The following RIMBP2 variants were observed in gnomAD, a reference collection of about 807,000 sequenced individuals.
The protein encoded by RIMBP2 is RIMS-binding protein 2.
Under a neutral mutation model 118.6 loss-of-function variants are expected in RIMBP2, and 48 were observed. The ratio of observed to expected loss-of-function variants is 0.40; its 90% CI spans 0.32 to 0.51. The LOEUF is 0.51. RIMBP2 is among the 20% of genes least tolerant of loss of function. The pLI is 0.41. For synonymous variants in RIMBP2, 762 were observed against 742.9 expected, an observed-to-expected ratio of 1.03 and a Z score of -0.42; for missense variants, 1,551 against 1,768.3, an observed-to-expected ratio of 0.88 and a Z score of 2.20.
intron 2 of RIMBP2, among the ~76,000 whole-genome samples, chr12:130,574,623 C>T (rs2057946443): frequency 6.6e-6 from 1 of 152,162 alleles, no homozygotes; most frequent in Admixed American, 6.5e-5. Context: ...AAGCTCCAGC[C>T]ATCTGCAGCA....
intron 1 of RIMBP2, among the ~76,000 whole-genome samples, chr12:130,709,554 A>G (rs1467284838): frequency 6.6e-6 from 1 of 152,178 alleles, no homozygotes; most frequent in Non-Finnish European, 1.5e-5. Context: ...ACGTTTCCCA[A>G]GATTTTGGGG....
At chr12:130,504,430 C>T (rs1192395591) in intron 4 of RIMBP2, among the ~76,000 whole-genome samples, 1 of 152,178 alleles carries the variant, frequency 6.6e-6, no homozygotes, top group Non-Finnish European at 1.5e-5. Context: ...ATTCCACTCA[C>T]ATCACTGACA....
chr12:130,401,277 G>A (rs868096663), intron 21 of RIMBP2, among the ~76,000 whole-genome samples: 24 of 151,986 alleles, frequency 1.6e-4, no homozygotes, highest in Middle Eastern at 3.4e-3. Context: ...CACCATGCCC[G>A]GCTAATTTTT....
chr12:130,595,272 A>T (rs966721651), intron 2 of RIMBP2, among the ~76,000 whole-genome samples: 1 of 152,158 alleles, frequency 6.6e-6, no homozygotes, highest in Non-Finnish European at 1.5e-5. Context: ...TTAAAACTTC[A>T]TCTTGGCCGG....
At chr12:130,673,602 C>T (rs758227007) in intron 1 of RIMBP2, among the ~76,000 whole-genome samples, 39 of 152,218 alleles carry the variant, frequency 2.6e-4, no homozygotes, top group East Asian at 2.5e-3. Flanking sequence ...CTGCTTCGAG[C>T]CTGGATGAAA....
In RIMBP2 at chr12:130,431,409, C is replaced by A; in HGVS notation, c.2254-3072G>T. 1 of 402,102 alleles carries A rather than the reference C, an allele frequency of 2.5e-6. No individual in the cohort carries two copies. Among genetic ancestry groups the A allele is most frequent in the Non-Finnish European group, 5.2e-6 (1 of 194,146 alleles). The allele number at this position is 402,102 out of a possible 1,614,324, so 24.9% of individuals were successfully genotyped here. On this transcript the variant is annotated intron_variant, in intron 14 of 22. Coordinates refer to ENST00000690449, the MANE Select transcript of RIMBP2 (RefSeq NM_001393629.1). This position sits in a 1 kb window ranked among gnomAD's most constrained non-coding sequence, Gnocchi z 4.0. ...TGCACCAGCTCAACTTCAGTCACTC[C>A]CTACCACTGTCATGATGCGTCACCT...
At chr12:130,642,215 A>G (rs1359280859) in intron 1 of RIMBP2, among the ~76,000 whole-genome samples, 2 of 152,146 alleles carry the variant, frequency 1.3e-5, no homozygotes, top group Non-Finnish European at 2.9e-5. Context: ...AGGACACCCC[A>G]AATGATGCCC....
At position 130,648,088 on chromosome 12, in the gene RIMBP2, G is replaced by A. The variant is rs546479656; in HGVS notation, c.-351-19632C>T. ...CCAAAGGGCATGTCAGGAGTCACGC[G>A]CTGATCATCACCGAGCAGATACATC... is the stretch of plus-strand genomic sequence containing the variant. On this transcript the variant is annotated intron_variant, in intron 1 of 22. Transcript: ENST00000690449. Among the ~76,000 whole-genome samples, 71 of 129,708 alleles carry A rather than the reference G, an allele frequency of 5.5e-4. 7 individuals are homozygous for A. The highest frequency in any genetic ancestry group is 5.2e-3 in the Admixed American group (69 of 13,332). 85.1% of individuals were successfully genotyped at this position (129,708 alleles called of 152,430 possible). A position where few individuals can be genotyped will look rare whatever the true frequency, so the allele number is the denominator to read the frequency against.
chr12:130,446,281 A>C lies in RIMBP2; in HGVS notation c.582-1012T>G, dbSNP rs1489303803. Among the ~76,000 whole-genome samples the C allele has an allele frequency of 6.6e-6, 1 of 152,266 alleles. No homozygotes were observed. Among genetic ancestry groups the C allele is most frequent in the Admixed American group, 6.5e-5 (1 of 15,290 alleles). On this transcript the variant is annotated intron_variant, in intron 9 of 22. Coordinates refer to ENST00000690449, the MANE Select transcript of RIMBP2 (RefSeq NM_001393629.1). The surrounding 1 kb of genome is among the most constrained non-coding windows in gnomAD (Gnocchi z 4.1). ...TATAATTATGATATGAAAATGATTC[A>C]TGCATCAGTGGCACTGTGCAGTTTA... is the stretch of plus-strand genomic sequence containing the variant.
At chr12:130,524,882 G>C (rs2139206804) in intron 2 of RIMBP2, among the ~76,000 whole-genome samples, 1 of 152,336 alleles carries the variant, frequency 6.6e-6, no homozygotes. Context: ...TGGGGCTGCA[G>C]AGGCAGGGAG....
At chr12:130,438,242 G>A in intron 12 of RIMBP2, 123 bp downstream of exon 12, 1 of 1,092,014 alleles carries the variant, frequency 9.2e-7, no homozygotes. Flanking sequence ...TCGGGGTTGA[G>A]GGTGCCTCCA....
intron 16 of RIMBP2, among the ~76,000 whole-genome samples, chr12:130,423,497 G>A (rs1054839211): frequency 1.3e-5 from 2 of 152,128 alleles, no homozygotes; most frequent in African/African-American, 4.8e-5. Context: ...ACACAATATA[G>A]AGATGAATGA....
intron 2 of RIMBP2, among the ~76,000 whole-genome samples, chr12:130,609,009 T>A (rs2140540515): frequency 6.6e-6 from 1 of 152,278 alleles, no homozygotes; most frequent in Non-Finnish European, 1.5e-5. Context: ...CTGCCATGTA[T>A]GAGTGAGGTC....
At chr12:130,494,225 C>T (rs2048916263) in intron 4 of RIMBP2, among the ~76,000 whole-genome samples, 1 of 152,086 alleles carries the variant, frequency 6.6e-6, no homozygotes, top group Non-Finnish European at 1.5e-5. Context: ...CTCCTGGAGC[C>T]CACTCCACAC....
chr12:130,620,859 AC>A lies in RIMBP2; in HGVS notation c.-217+7462del, dbSNP rs1352735099. Among the ~76,000 whole-genome samples, 1 of 152,002 alleles carries A rather than the reference AC, an allele frequency of 6.6e-6. No homozygotes were observed. Among genetic ancestry groups the A allele is most frequent in the Non-Finnish European group, 1.5e-5 (1 of 67,986 alleles). On this transcript the variant is annotated intron_variant, in intron 2 of 22. Transcript: ENST00000690449. This position sits in a 1 kb window ranked among gnomAD's most constrained non-coding sequence, Gnocchi z 5.3. ...ATTCTTTTTGTAGGGAACACCCCTC[AC>A]CCTGTAACAGACTCTGTGACCCGCA...
At chr12:130,438,339 T>TCCCC in intron 12 of RIMBP2, 26 bp downstream of exon 12, 15 of 755,614 alleles carry the variant, frequency 2.0e-5, no homozygotes, top group Admixed American at 4.9e-5. Context: ...TAACAAACCC[T>TCCCC]CCCCACCCAC....
chr12:130,438,335 A>ACGGGGGGGCC, intron 12 of RIMBP2, 30 bp downstream of exon 12: 1 of 865,014 alleles, frequency 1.2e-6, no homozygotes, highest in Non-Finnish European at 1.9e-6. Flanking sequence ...GGCCTAACAA[A>ACGGGGGGGCC]CCCTCCCCAC....
chr12:130,591,173 G>A (rs555947509), intron 2 of RIMBP2, among the ~76,000 whole-genome samples: 1 of 152,332 alleles, frequency 6.6e-6, no homozygotes, highest in Admixed American at 6.5e-5. Flanking sequence ...AGGAAGTCAA[G>A]ACACCACAAT....
At chr12:130,546,800 T>C (rs1332785511) in intron 2 of RIMBP2, among the ~76,000 whole-genome samples, 3 of 152,226 alleles carry the variant, frequency 2.0e-5, no homozygotes, top group African/African-American at 7.2e-5. Flanking sequence ...ATTTGTTATC[T>C]GCCAATATTT....
Sources: gnomAD v4.1 joint callset for allele counts (sites outside exome capture counted in the v4.1 genomes callset) on GRCh38, gnomAD v4.1.1 for gene constraint, Gnocchi (gnomAD v3.1) non-coding constraint, MANE v1.5 for transcripts, NCBI Gene and HGNC (gene_info 2026-07-23, HGNC 2026-07-21) for gene names.